Variants in ULK2 observed in about 807,000 individuals in gnomAD.
ULK2 encodes serine/threonine-protein kinase ULK2.
Under a neutral mutation model 127.5 loss-of-function variants are expected in ULK2, and 76 were observed. The observed-to-expected ratio is 0.60, with a 90% CI of 0.50 to 0.72. ULK2 has a LOEUF of 0.72. ULK2 is among the 30% of genes least tolerant of loss of function. The probability of loss-of-function intolerance (pLI) is 0.00; values close to 1 mark genes in which losing one functional copy is unlikely to be tolerated. For synonymous variants in ULK2, 452 were observed against 461.9 expected, an observed-to-expected ratio of 0.98 and a Z score of 0.28; for missense variants, 1,144 against 1,295.9, an observed-to-expected ratio of 0.88 and a Z score of 1.80.
intron 20 of ULK2, among the ~76,000 whole-genome samples, chr17:19,791,316 G>A (rs1266907108): frequency 6.6e-6 from 1 of 152,188 alleles, no homozygotes; most frequent in Non-Finnish European, 1.5e-5. Flanking sequence ...TCGGGAGGCT[G>A]AGGCGGGCAG....
At chr17:19,839,966 C>T (rs375817153) in intron 9 of ULK2, among the ~76,000 whole-genome samples, 2 of 114,404 alleles carry the variant, frequency 1.7e-5, no homozygotes, top group Admixed American at 1.7e-4. Context: ...CACACACATA[C>T]ACACACACAC....
chr17:19,843,594 G>A (rs1383029297), intron 7 of ULK2, among the ~76,000 whole-genome samples: 2 of 151,720 alleles, frequency 1.3e-5, no homozygotes, highest in African/African-American at 2.4e-5. Context: ...TGTGAGAGGA[G>A]CAGAGGAGGA....
chr17:19,855,935 A>G (rs2042117741), intron 3 of ULK2: 1 of 152,210 alleles, frequency 6.6e-6, no homozygotes, highest in Admixed American at 6.6e-5. Flanking sequence ...AGATCGCTTG[A>G]GCCCAGGAGT....
intron 20 of ULK2, 134 bp from the exon 21 acceptor site, chr17:19,786,220 T>C (rs1424069582): frequency 1.4e-6 from 1 of 694,442 alleles, no homozygotes; most frequent in African/African-American, 1.9e-5. Context: ...TTACAAAAAG[T>C]ACTTATTGCT....
At chr17:19,850,388 T>C (rs1221822289) in intron 3 of ULK2, among the ~76,000 whole-genome samples, 3 of 152,208 alleles carry the variant, frequency 2.0e-5, no homozygotes, top group Non-Finnish European at 4.4e-5. Context: ...GTCTCTCAAA[T>C]CCATATAGCT....
chr17:19,815,737 G>A (rs1400839335), intron 13 of ULK2, among the ~76,000 whole-genome samples: 1 of 151,780 alleles, frequency 6.6e-6, no homozygotes, highest in African/African-American at 2.4e-5. Flanking sequence ...AATTACTTTT[G>A]GTAAATAAAT....
At position 19,840,522 on chromosome 17, in the gene ULK2, CAAT is replaced by C. The variant is rs539795598; in HGVS notation, c.704+964_704+966del. 23 of 425,280 alleles carry C rather than the reference CAAT, an allele frequency of 5.4e-5. No homozygotes were observed. In the East Asian group the frequency reaches 1.4e-3, roughly 25 times the overall value. 26.3% of individuals were successfully genotyped at this position (425,280 alleles called of 1,614,324 possible). A position where few individuals can be genotyped will look rare whatever the true frequency, so the allele number is the denominator to read the frequency against. ...ATTTAACCTCTCATATTAAGTCTGT[CAAT>C]GATGACTATATGTACTCCTGCCTAA... On this transcript the variant is annotated intron_variant, in intron 9 of 26. Coordinates refer to ENST00000395544, the MANE Select transcript of ULK2 (RefSeq NM_014683.4).
At chr17:19,785,156 G>T (rs1047287207) in intron 21 of ULK2, among the ~76,000 whole-genome samples, 2 of 151,840 alleles carry the variant, frequency 1.3e-5, no homozygotes, top group African/African-American at 4.8e-5. Context: ...CTGTATATAG[G>T]ATTAAGTGCA....
At chr17:19,814,419 T>TACATATACAC (rs1179974040) in intron 13 of ULK2, among the ~76,000 whole-genome samples, 8 of 16,206 alleles carry the variant, frequency 4.9e-4, no homozygotes, top group African/African-American at 1.4e-3. Flanking sequence ...TACATATATA[T>TACATATACAC]ATATATATAT....
intron 24 of ULK2, 41 bp from the exon 25 acceptor site, chr17:19,780,670 C>T: frequency 1.3e-6 from 2 of 1,557,624 alleles, no homozygotes; most frequent in Non-Finnish European, 1.7e-6. Flanking sequence ...TAATTTTCCT[C>T]CAGAAATAAA....
intron 17 of ULK2, 47 bp from the exon 18 acceptor site, chr17:19,797,729 G>GTT: frequency 7.3e-7 from 1 of 1,378,968 alleles, no homozygotes; most frequent in East Asian, 2.7e-5. Context: ...AAGAAGTGCA[G>GTT]TGCAAAAATG....
chr17:19,860,332 T>C (rs1345438651), intron 3 of ULK2, among the ~76,000 whole-genome samples: 2 of 152,172 alleles, frequency 1.3e-5, no homozygotes, highest in Non-Finnish European at 2.9e-5. Context: ...GTTCCCAATT[T>C]ATAAACTTCG....
At chr17:19,820,492 G>A (rs1250798601) in intron 12 of ULK2, among the ~76,000 whole-genome samples, 1 of 152,140 alleles carries the variant, frequency 6.6e-6, no homozygotes, top group Non-Finnish European at 1.5e-5. Context: ...ACTACTGAGT[G>A]CAGCCTTGTT....
intron 10 of ULK2, among the ~76,000 whole-genome samples, chr17:19,830,366 A>G (rs929228577): frequency 2.0e-5 from 3 of 152,114 alleles, no homozygotes; most frequent in Non-Finnish European, 4.4e-5. Context: ...ACACCCAGCT[A>G]ATTTTTAATA....
At chr17:19,800,261 A>G (rs778480931) in intron 16 of ULK2, among the ~76,000 whole-genome samples, 1 of 152,138 alleles carries the variant, frequency 6.6e-6, no homozygotes, top group Non-Finnish European at 1.5e-5. Context: ...ACTCTCTTGT[A>G]TATCTAATAT....
At chr17:19,802,775 C>G (rs1255348357) in intron 15 of ULK2, among the ~76,000 whole-genome samples, 1 of 152,206 alleles carries the variant, frequency 6.6e-6, no homozygotes, top group East Asian at 1.9e-4. Flanking sequence ...TTAATGAACT[C>G]ATACTCCATT....
chr17:19,811,604 G>A (rs536475264), intron 13 of ULK2, among the ~76,000 whole-genome samples: 1 of 151,954 alleles, frequency 6.6e-6, no homozygotes, highest in African/African-American at 2.4e-5. Flanking sequence ...ACCACACCCA[G>A]CTAATTTTTG....
chr17:19,836,767 A>T (rs1170947227), intron 10 of ULK2, among the ~76,000 whole-genome samples: 2 of 151,666 alleles, frequency 1.3e-5, no homozygotes, highest in Non-Finnish European at 2.9e-5. Context: ...TTAGCTGGGC[A>T]TGGTGGCGGG....
Position 19,846,603 on chromosome 17 carries a change from A to G in ULK2, c.469+134T>C, listed in dbSNP as rs866463536. On this transcript the variant is annotated intron_variant, in intron 6 of 26. Transcript: ENST00000395544. ...TGCAGTGAGCCAAGATCGCGCCACT[A>G]CACGCCAGCCTGAGCAACAGAGCGA... 1.1e-4 allele frequency: 112 copies of G among 1,022,678 alleles called. 1 individual carries two copies. The Middle Eastern group carries it at 7.8e-3, about 71-fold the overall frequency. The allele number at this position is 1,022,678 out of a possible 1,614,324, so 63.4% of individuals were successfully genotyped here.
Sources: allele counts gnomAD v4.1 joint callset (sites outside exome capture counted in the v4.1 genomes callset), GRCh38; gene constraint gnomAD v4.1.1; transcripts MANE v1.5; gene names NCBI Gene and HGNC (gene_info 2026-07-23, HGNC 2026-07-21).